Variants in FRMD4B observed in about 807,000 individuals in gnomAD.
The protein encoded by FRMD4B is FERM domain-containing protein 4B.
A neutral mutation model predicts 141.5 loss-of-function variants in FRMD4B; 74 were observed. That is an observed-to-expected ratio of 0.52 (90% CI 0.43 to 0.63). The LOEUF is 0.63. FRMD4B is among the 30% of genes least tolerant of loss of function. FRMD4B has a pLI of 0.00. For missense variants in FRMD4B, 1,366 were observed against 1,253.4 expected, an observed-to-expected ratio of 1.09 and a Z score of -1.36; for synonymous variants, 506 against 467.9, an observed-to-expected ratio of 1.08 and a Z score of -1.05.
chr3:69,413,476 A>G, intron 2 of FRMD4B, among the ~76,000 whole-genome samples: 1 of 152,228 alleles, frequency 6.6e-6, no homozygotes, highest in East Asian at 1.9e-4. Flanking sequence ...GGCACACTAA[A>G]TGTTCTTACT....
intron 1 of FRMD4B, among the ~76,000 whole-genome samples, chr3:69,514,624 G>C (rs1270554225): frequency 6.6e-6 from 1 of 151,884 alleles, no homozygotes; most frequent in Non-Finnish European, 1.5e-5. Flanking sequence ...GGAGACAAAG[G>C]TTACAGTGAG....
At chr3:69,188,711 T>G (rs1253427626) in intron 18 of FRMD4B, among the ~76,000 whole-genome samples, 1 of 143,922 alleles carries the variant, frequency 6.9e-6, no homozygotes, top group African/African-American at 2.6e-5. Flanking sequence ...GAGCCGAGAT[T>G]GCGCCACTGC....
At chr3:69,348,716 A>G (rs565513681) in intron 1 of FRMD4B, among the ~76,000 whole-genome samples, 3 of 152,246 alleles carry the variant, frequency 2.0e-5, no homozygotes, top group Non-Finnish European at 4.4e-5. Flanking sequence ...GCATATAAAC[A>G]GAACCAAAGA....
At chr3:69,191,368 C>T (rs990404911) in intron 17 of FRMD4B, among the ~76,000 whole-genome samples, 7 of 151,928 alleles carry the variant, frequency 4.6e-5, no homozygotes, top group African/African-American at 9.7e-5. Context: ...TGCAGTGAGC[C>T]GAGATCATGC....
intron 2 of FRMD4B, among the ~76,000 whole-genome samples, chr3:69,311,890 A>G (rs1290067383): frequency 4.6e-5 from 7 of 152,158 alleles, no homozygotes; most frequent in Non-Finnish European, 1.5e-5. Flanking sequence ...AATCCTTATA[A>G]TGAGCTATGA....
chr3:69,353,701 A>T, intron 1 of FRMD4B: 1 of 985,078 alleles, frequency 1.0e-6, no homozygotes, highest in Non-Finnish European at 1.2e-6. Flanking sequence ...AGCCAGTGGA[A>T]GTAGGAACTT....
At chr3:69,488,874 C>CA (rs1706260979) in intron 1 of FRMD4B, among the ~76,000 whole-genome samples, 1 of 116,296 alleles carries the variant, frequency 8.6e-6, no homozygotes. Flanking sequence ...GCCTGGGTGA[C>CA]AGAGCGAGAC....
intron 10 of FRMD4B, among the ~76,000 whole-genome samples, chr3:69,216,981 C>A (rs2093146428): frequency 6.7e-6 from 1 of 149,534 alleles, no homozygotes. Flanking sequence ...GCCAGTTATC[C>A]ATTAAAAAAA....
chr3:69,308,333 T>C (rs543365723), intron 3 of FRMD4B, among the ~76,000 whole-genome samples: 3 of 152,170 alleles, frequency 2.0e-5, no homozygotes, highest in Non-Finnish European at 4.4e-5. Context: ...TGTTCTAAGG[T>C]CACACAGCTA....
At chr3:69,521,123 C>T (rs888485460) in intron 1 of FRMD4B, among the ~76,000 whole-genome samples, 3 of 152,146 alleles carry the variant, frequency 2.0e-5, no homozygotes, top group African/African-American at 7.2e-5. Context: ...CTCTCAGGGA[C>T]AGTGAGGAGG....
chr3:69,273,432 A>G (rs1451116133), intron 5 of FRMD4B, among the ~76,000 whole-genome samples: 1 of 152,218 alleles, frequency 6.6e-6, no homozygotes, highest in East Asian at 1.9e-4. Flanking sequence ...AAATCTGATC[A>G]TGCAATGCTG....
intron 3 of FRMD4B, 36 bp from the exon 4 acceptor site, chr3:69,302,471 A>G (rs1427728011): frequency 8.0e-7 from 1 of 1,249,662 alleles, no homozygotes; most frequent in African/African-American, 1.5e-5. Flanking sequence ...GATTCAACAG[A>G]AAGTCAGAAA....
chr3:69,479,117 G>A (rs1706065741), intron 1 of FRMD4B, among the ~76,000 whole-genome samples: 1 of 146,762 alleles, frequency 6.8e-6, no homozygotes, highest in Non-Finnish European at 1.5e-5. Flanking sequence ...CATGAGATGG[G>A]TTTCCTGAAT....
At chr3:69,241,033 C>T (rs958839796) in intron 7 of FRMD4B, among the ~76,000 whole-genome samples, 3 of 152,164 alleles carry the variant, frequency 2.0e-5, no homozygotes, top group Admixed American at 1.3e-4. Context: ...ATGGGTGTAA[C>T]GGCCTGGTCC....
intron 1 of FRMD4B, among the ~76,000 whole-genome samples, chr3:69,340,143 G>A (rs147894609): frequency 1.4e-5 from 2 of 147,492 alleles, no homozygotes; most frequent in African/African-American, 2.5e-5. Context: ...TAGATTAAAA[G>A]CCATTATTTC....
Position 69,536,489 on chromosome 3 carries a change from C to T in FRMD4B, c.-129+5717G>A. On this transcript the variant is annotated intron_variant, in intron 1 of 5. Coordinates refer to the FRMD4B transcript ENST00000459638. ...AGCTTGACGGCCACCGCCAACGTGC[C>T]CTAGCGCTACTCCCCAGCCTGCAGC... The T allele has an allele frequency of 7.2e-6, 5 of 697,728 alleles. No homozygotes were observed. The South Asian group carries it at 7.4e-5, about 10-fold the overall frequency. The allele number at this position is 697,728 out of a possible 1,614,324, so 43.2% of individuals were successfully genotyped here. A position where few individuals can be genotyped will look rare whatever the true frequency, so the allele number is the denominator to read the frequency against.
intron 1 of FRMD4B, among the ~76,000 whole-genome samples, chr3:69,385,026 A>G (rs1350270877): frequency 1.3e-5 from 2 of 152,136 alleles, no homozygotes; most frequent in South Asian, 2.1e-4. Flanking sequence ...AAATATATTA[A>G]CAACCAAAGC....
chr3:69,449,578 A>G (rs963247349), intron 1 of FRMD4B, among the ~76,000 whole-genome samples: 2 of 152,234 alleles, frequency 1.3e-5, no homozygotes, highest in Admixed American at 1.3e-4. Flanking sequence ...ATCCAGTCCT[A>G]TGATCACATT....
intron 1 of FRMD4B, among the ~76,000 whole-genome samples, chr3:69,441,697 C>G (rs1453178079): frequency 6.6e-6 from 1 of 152,198 alleles, no homozygotes; most frequent in Non-Finnish European, 1.5e-5. Flanking sequence ...TGAATATGAG[C>G]TGAATGGATA....
Sources: allele counts gnomAD v4.1 joint callset (sites outside exome capture counted in the v4.1 genomes callset), GRCh38; gene constraint gnomAD v4.1.1; transcripts MANE v1.5; gene names NCBI Gene and HGNC (gene_info 2026-07-23, HGNC 2026-07-21).